Variants in DMD observed in about 807,000 individuals in gnomAD.
DMD encodes the protein dystrophin, also known as mutant dystrophin.
In DMD, 63 loss-of-function variants were observed where a neutral mutation model predicts 330.1. That is an observed-to-expected ratio of 0.19 (90% confidence interval 0.16 to 0.24). The LOEUF (loss-of-function observed/expected upper bound fraction) is 0.24. DMD is among the 10% of genes least tolerant of loss of function. The probability of loss-of-function intolerance (pLI) is 1.00; values close to 1 mark genes in which losing one functional copy is unlikely to be tolerated. For missense variants in DMD, 3,344 were observed against 2,684.1 expected, an observed-to-expected ratio of 1.25 and a Z score of -5.43; for synonymous variants, 1,223 against 959.8, an observed-to-expected ratio of 1.27 and a Z score of -5.07.
intron 62 of DMD, among the ~76,000 whole-genome samples, chrX:31,277,039 A>AT (rs750511592): frequency 2.7e-5 from 3 of 109,682 alleles, no homozygotes; most frequent in Non-Finnish European, 3.8e-5. Flanking sequence ...AGTTTAAGCC[A>AT]TTTTTTCTTT....
chrX:32,966,575 G>A (rs904822569), intron 2 of DMD, among the ~76,000 whole-genome samples: 3 of 111,688 alleles, frequency 2.7e-5, no homozygotes, highest in Non-Finnish European at 5.6e-5. Flanking sequence ...CTGAGAATGG[G>A]AAGTTTCCCC....
intron 52 of DMD, among the ~76,000 whole-genome samples, chrX:31,709,584 CTG>C (rs55768943): frequency 0.18 from 16,912 of 93,532 alleles, 1,543 homozygotes; most frequent in African/African-American, 0.34. Context: ...CTCTCTCTGT[CTG>C]TGTGTGTGTG....
At chrX:32,633,617 T>C (rs2058892941) in intron 11 of DMD, among the ~76,000 whole-genome samples, 1 of 112,129 alleles carries the variant, frequency 8.9e-6, no homozygotes, top group African/African-American at 3.2e-5. Context: ...CACTCTCGCA[T>C]TGCTATCAAG....
chrX:32,789,460 C>T (rs995777956), intron 7 of DMD, among the ~76,000 whole-genome samples: 3 of 112,120 alleles, frequency 2.7e-5, no homozygotes, highest in African/African-American at 9.7e-5. Context: ...CTCTCACTTA[C>T]TGAGCTTCTA....
At chrX:32,813,573 A>G (rs1225690306) in intron 6 of DMD, among the ~76,000 whole-genome samples, 1 of 111,953 alleles carries the variant, frequency 8.9e-6, no homozygotes, top group African/African-American at 3.2e-5. Flanking sequence ...TTGTTTAAAA[A>G]CATTCGTTTC....
At chrX:31,300,879 C>T (rs1455507850) in intron 62 of DMD, among the ~76,000 whole-genome samples, 5 of 111,792 alleles carry the variant, frequency 4.5e-5, no homozygotes, top group Non-Finnish European at 9.4e-5. Context: ...AGAGGTTGCT[C>T]CCATACTTGT....
chrX:31,925,432 C>T (rs928728840), intron 47 of DMD, among the ~76,000 whole-genome samples: 4 of 110,263 alleles, frequency 3.6e-5, no homozygotes, highest in Non-Finnish European at 7.6e-5. Context: ...ATACAAAGAG[C>T]AATGAAGAAT....
At position 32,389,625 on chromosome X, in the gene DMD, G is replaced by T. The variant is rs755496708; in HGVS notation, c.4394C>A (p.Ala1465Asp). The change falls in exon 32 of 79, where the codon GCC (alanine) becomes GAC (aspartate). Residue 1465 changes from alanine to aspartate, a missense_variant. Ala to Asp is a moderately radical substitution (Grantham distance 126). Coordinates refer to ENST00000357033, the MANE Select transcript of DMD (RefSeq NM_004006.3). Reference sequence around the variant, plus strand: ...TTCTTGTAGACGCTGCTCAAAATTGGCTGGTTTCTGGAATAATCGAAACTT... The same window carrying T: ...TTCTTGTAGACGCTGCTCAAAATTGTCTGGTTTCTGGAATAATCGAAACTT... ...SMKFRLFQKP[A>D]NFEQRLQESK... is the part of the protein sequence containing the mutation. 1 of 1,210,437 alleles carries T rather than the reference G, an allele frequency of 8.3e-7. No individual in the cohort carries two copies. Among genetic ancestry groups the T allele is most frequent in the Non-Finnish European group, 1.1e-6 (1 of 894,875 alleles).
chrX:32,660,459 A>C (rs996214779), intron 9 of DMD, among the ~76,000 whole-genome samples: 1 of 111,609 alleles, frequency 9.0e-6, no homozygotes, highest in East Asian at 2.8e-4. Context: ...AACCTCACTG[A>C]AAGTTTTCAC....
intron 43 of DMD, among the ~76,000 whole-genome samples, chrX:32,238,133 A>C (rs1205143854): frequency 8.9e-6 from 1 of 112,078 alleles, no homozygotes; most frequent in African/African-American, 3.2e-5. Context: ...AGGGTGTACA[A>C]TTTATATATT....
rs34933227 is a variant in DMD at position 31,694,617 on chromosome X, CATATATATAT to C, written c.7661-15041_7661-15032del. ...GACATTCTCAAAAGATGACAAACAG[CATATATATAT>C]ATATATATATATATATATATATACA... On this transcript the variant is annotated intron_variant, in intron 52 of 78. Coordinates refer to ENST00000357033, the MANE Select transcript of DMD (RefSeq NM_004006.3). Among the ~76,000 whole-genome samples, 490 of 58,170 alleles carry C rather than the reference CATATATATAT, an allele frequency of 8.4e-3. 3 individuals are homozygous for C. Among genetic ancestry groups the C allele is most frequent in the Middle Eastern group, 0.02 (2 of 100 alleles). The allele number at this position is 58,170 out of a possible 115,157, so 50.5% of individuals were successfully genotyped here. A position where few individuals can be genotyped will look rare whatever the true frequency, so the allele number is the denominator to read the frequency against.
chrX:31,488,671 C>G (rs60861542), intron 57 of DMD, among the ~76,000 whole-genome samples: 30,729 of 111,033 alleles, frequency 0.28, 4,652 homozygotes, highest in African/African-American at 0.58. Flanking sequence ...AATATATCTT[C>G]GATCAAATAA....
rs778686490 is a variant in DMD, at chrX:32,139,822, T to C, written c.6438+77094A>G. On this transcript the variant is annotated intron_variant, in intron 44 of 78. Transcript: ENST00000357033. ...AAATCTTAAAACATTCTTAAAACTT[T>C]ATAGAAATTTTGCCTGCCTTCAAAG... is the stretch of plus-strand genomic sequence containing the variant. Among the ~76,000 whole-genome samples, 10 of 112,492 alleles carry C rather than the reference T, an allele frequency of 8.9e-5. No homozygotes were observed. In the South Asian group the frequency reaches 3.3e-3, roughly 37 times the overall value.
chrX:31,536,091 C>T (rs1317340356), intron 55 of DMD, among the ~76,000 whole-genome samples: 1 of 111,664 alleles, frequency 9.0e-6, no homozygotes, highest in East Asian at 2.8e-4. Flanking sequence ...GAAAACCTAT[C>T]CTGGGAGTTA....
intron 48 of DMD, among the ~76,000 whole-genome samples, chrX:31,874,341 T>C (rs1010627432): frequency 5.4e-5 from 6 of 111,055 alleles, no homozygotes; most frequent in Admixed American, 3.8e-4. Context: ...AATGAGAAGA[T>C]AGAAAGGTAA....
At chrX:32,601,319 CACTT>C (rs745334662) in intron 12 of DMD, among the ~76,000 whole-genome samples, 9 of 111,758 alleles carry the variant, frequency 8.1e-5, no homozygotes, top group Non-Finnish European at 7.5e-5. Flanking sequence ...TTTTGATATT[CACTT>C]ACTTAAATGT....
At chrX:32,193,678 G>A (rs1342873734) in intron 44 of DMD, among the ~76,000 whole-genome samples, 1 of 111,613 alleles carries the variant, frequency 9.0e-6, no homozygotes, top group Non-Finnish European at 1.9e-5. Flanking sequence ...AATCACAATA[G>A]GCCCTTCGAT....
chrX:32,713,635 G>T (rs1484546416), intron 7 of DMD, among the ~76,000 whole-genome samples: 2 of 111,427 alleles, frequency 1.8e-5, no homozygotes, highest in African/African-American at 6.5e-5. Context: ...ATATACTTCT[G>T]TAACTTTTAA....
chrX:32,746,318 G>A (rs2070004570), intron 7 of DMD, among the ~76,000 whole-genome samples: 1 of 111,927 alleles, frequency 8.9e-6, no homozygotes, highest in South Asian at 3.7e-4. Flanking sequence ...AAAGTATATG[G>A]AAACTATGTT....
Sources: gnomAD v4.1 joint callset for allele counts (sites outside exome capture counted in the v4.1 genomes callset) on GRCh38, gnomAD v4.1.1 for gene constraint, MANE v1.5 for transcripts, NCBI Gene and HGNC (gene_info 2026-07-23, HGNC 2026-07-21) for gene names.